Variants in MAP3K13 observed in about 807,000 individuals in gnomAD.
The protein encoded by MAP3K13 is mitogen-activated protein kinase kinase kinase 13.
MAP3K13 carries 52 observed loss-of-function variants against 104.0 expected under a neutral mutation model. That is an observed-to-expected ratio of 0.50 (90% CI 0.40 to 0.63). The LOEUF (loss-of-function observed/expected upper bound fraction) is 0.63, where lower values mean the gene tolerates loss of function less well. Ranked by LOEUF, MAP3K13 falls within the 20% of genes least tolerant of loss-of-function variation. The pLI, the probability that MAP3K13 is intolerant of heterozygous loss-of-function variation, is 0.00. For synonymous variants in MAP3K13, 394 were observed against 442.2 expected, an observed-to-expected ratio of 0.89 and a Z score of 1.37; for missense variants, 914 against 1,218.5, an observed-to-expected ratio of 0.75 and a Z score of 3.72.
At chr3:185,480,596 G>A in intron 13 of MAP3K13, 67 bp downstream of exon 13, 1 of 1,495,032 alleles carries the variant, frequency 6.7e-7, no homozygotes, top group South Asian at 1.3e-5. Flanking sequence ...CAAGTCTCTA[G>A]GGCCTTTACA....
At chr3:185,445,702 G>A (rs1257014796) in intron 4 of MAP3K13, among the ~76,000 whole-genome samples, 5 of 152,200 alleles carry the variant, frequency 3.3e-5, no homozygotes, top group African/African-American at 4.8e-5. Flanking sequence ...TGGGAAGACA[G>A]AGATCAATCT....
intron 1 of MAP3K13, among the ~76,000 whole-genome samples, chr3:185,375,945 A>C (rs1239547346): frequency 1.3e-5 from 2 of 152,170 alleles, no homozygotes; most frequent in Non-Finnish European, 2.9e-5. Context: ...GTGAGAGCTC[A>C]AGTTAAGGCA....
chr3:185,482,932 C>G lies in MAP3K13; in HGVS notation c.*476C>G. 4.3e-6 allele frequency: 1 copy of G among 233,278 alleles called. No individual in the cohort carries two copies. The allele number at this position is 233,278 out of a possible 1,614,324, so 14.5% of individuals were successfully genotyped here. ...TTGCTGCTTGAACAGGGGACCAGGT[C>G]TTTTGGCCATAAGTGACTAAAGAAG... is the stretch of plus-strand genomic sequence containing the variant. On this transcript the variant is annotated 3_prime_UTR_variant, in exon 14 of 14. Coordinates refer to ENST00000265026, the MANE Select transcript of MAP3K13 (RefSeq NM_004721.5). The surrounding 1 kb of genome is among the most constrained non-coding windows in gnomAD (Gnocchi z 4.5).
chr3:185,409,174 C>G (rs1359532305), intron 1 of MAP3K13, among the ~76,000 whole-genome samples: 3 of 152,094 alleles, frequency 2.0e-5, no homozygotes, highest in Non-Finnish European at 4.4e-5. Flanking sequence ...TCAAGAGCAG[C>G]CTGGCCAATA....
intron 12 of MAP3K13, among the ~76,000 whole-genome samples, chr3:185,477,764 G>A (rs1718213961): frequency 1.3e-5 from 2 of 152,274 alleles, no homozygotes; most frequent in African/African-American, 4.8e-5. Context: ...CAAACTGGAT[G>A]CTTAAACAAC....
At chr3:185,378,023 G>A (rs1258889817) in intron 1 of MAP3K13, among the ~76,000 whole-genome samples, 1 of 152,184 alleles carries the variant, frequency 6.6e-6, no homozygotes, top group Non-Finnish European at 1.5e-5. Flanking sequence ...AGGTTCTGGA[G>A]GAACCCCTGG....
At chr3:185,451,869 A>C (rs1715910475) in intron 7 of MAP3K13, among the ~76,000 whole-genome samples, 1 of 144,244 alleles carries the variant, frequency 6.9e-6, no homozygotes, top group African/African-American at 2.7e-5. Context: ...CACCGCCTCA[A>C]AAAAAAAAAA....
intron 1 of MAP3K13, among the ~76,000 whole-genome samples, chr3:185,400,252 G>C (rs926051805): frequency 6.6e-6 from 1 of 152,098 alleles, no homozygotes; most frequent in Non-Finnish European, 1.5e-5. Context: ...GCCTCCCTGC[G>C]TCTGCGCACC....
At chr3:185,413,905 C>T (rs992733939) in intron 1 of MAP3K13, among the ~76,000 whole-genome samples, 1 of 152,168 alleles carries the variant, frequency 6.6e-6, no homozygotes, top group South Asian at 2.1e-4. Flanking sequence ...CTCCAATTAT[C>T]TTTAGTTATT....
chr3:185,488,607 G>C lies in MAP3K13; in HGVS notation c.*6151G>C, dbSNP rs1298448337. On this transcript the variant is annotated 3_prime_UTR_variant, in exon 14 of 14. Coordinates refer to ENST00000265026, the MANE Select transcript of MAP3K13 (RefSeq NM_004721.5). Reference sequence around the variant, plus strand: ...CAGATGGCAAGGCCACTGTAAGGAAGCTCCCGGCAGCATCCCAGGTCTGCT... The same window carrying C: ...CAGATGGCAAGGCCACTGTAAGGAACCTCCCGGCAGCATCCCAGGTCTGCT... The C allele has an allele frequency of 6.6e-6, 1 of 152,312 alleles. No homozygotes were observed. The highest frequency in any genetic ancestry group is 2.4e-5 in the African/African-American group (1 of 41,466). 9.4% of individuals were successfully genotyped at this position (152,312 alleles called of 1,614,324 possible).
intron 1 of MAP3K13, among the ~76,000 whole-genome samples, chr3:185,410,914 G>A (rs1045979713): frequency 2.7e-5 from 4 of 149,182 alleles, no homozygotes; most frequent in African/African-American, 9.9e-5. Context: ...CAGCCTGGGT[G>A]ACAGAGCAAG....
intron 2 of MAP3K13, among the ~76,000 whole-genome samples, chr3:185,332,043 T>C (rs1362429908): frequency 6.6e-6 from 1 of 152,228 alleles, no homozygotes; most frequent in Non-Finnish European, 1.5e-5. Flanking sequence ...GATAGACATT[T>C]TGGTTGTTTC....
intron 1 of MAP3K13, among the ~76,000 whole-genome samples, chr3:185,400,506 A>G (rs1468674674): frequency 1.3e-5 from 2 of 152,216 alleles, no homozygotes; most frequent in African/African-American, 4.8e-5. Context: ...TGATTAACAT[A>G]GCATTTGTTG....
At chr3:185,429,875 A>G (rs1050689953) in intron 2 of MAP3K13, among the ~76,000 whole-genome samples, 4 of 152,188 alleles carry the variant, frequency 2.6e-5, no homozygotes, top group African/African-American at 9.7e-5. Flanking sequence ...CTTGAGAAGC[A>G]TTATTATTTC....
At chr3:185,336,152 A>G (rs1397886280) in intron 2 of MAP3K13, among the ~76,000 whole-genome samples, 1 of 152,170 alleles carries the variant, frequency 6.6e-6, no homozygotes, top group African/African-American at 2.4e-5. Context: ...GCCAAACTTC[A>G]CCTTAACCAG....
intron 1 of MAP3K13, chr3:185,417,984 G>C: frequency 6.2e-7 from 1 of 1,610,382 alleles, no homozygotes; most frequent in East Asian, 2.2e-5. Flanking sequence ...TACGCCAAGT[G>C]CCATACAATT....
intron 11 of MAP3K13, among the ~76,000 whole-genome samples, chr3:185,475,762 A>T (rs775946233): frequency 2.6e-5 from 4 of 152,112 alleles, no homozygotes; most frequent in Non-Finnish European, 5.9e-5. Context: ...GAGGCAGGAG[A>T]ATCAGTTGAA....
chr3:185,349,433 C>T, intron 2 of MAP3K13, among the ~76,000 whole-genome samples: 1 of 146,228 alleles, frequency 6.8e-6, no homozygotes, highest in East Asian at 2.0e-4. Flanking sequence ...CATGTTGCAG[C>T]AAAGGACATG....
At chr3:185,426,376 G>A (rs1005568754) in intron 1 of MAP3K13, among the ~76,000 whole-genome samples, 2 of 152,182 alleles carry the variant, frequency 1.3e-5, no homozygotes, top group Non-Finnish European at 2.9e-5. Context: ...TACCACGCCA[G>A]CCAAGGATAC....
Sources: gnomAD v4.1 joint callset for allele counts (sites outside exome capture counted in the v4.1 genomes callset) on GRCh38, gnomAD v4.1.1 for gene constraint, Gnocchi (gnomAD v3.1) non-coding constraint, MANE v1.5 for transcripts, NCBI Gene and HGNC (gene_info 2026-07-23, HGNC 2026-07-21) for gene names.